PTGR1: variants seen among roughly 807,000 people sequenced by gnomAD.
PTGR1 encodes the protein prostaglandin reductase 1.
Under a neutral mutation model 37.7 loss-of-function variants are expected in PTGR1, and 23 were observed. The ratio of observed to expected loss-of-function variants is 0.61; its 90% CI spans 0.44 to 0.86. The LOEUF is 0.86. PTGR1 is among the 40% of genes least tolerant of loss of function. PTGR1 has a pLI of 0.00. For synonymous variants in PTGR1, 134 were observed against 140.0 expected, an observed-to-expected ratio of 0.96 and a Z score of 0.30; for missense variants, 351 against 394.3, an observed-to-expected ratio of 0.89 and a Z score of 0.93.
chr9:111,555,109 CCT>C (rs1828084246), intron 9 of PTGR1, among the ~76,000 whole-genome samples: 1 of 152,110 alleles, frequency 6.6e-6, no homozygotes, highest in African/African-American at 2.4e-5. Context: ...GAGTTCATCC[CCT>C]TTTATTCAGA....
At position 111,563,187 on chromosome 9, in the gene PTGR1, G is replaced by GT; in HGVS notation, c.923dup (p.Asn308LysfsTer14). The GT allele has an allele frequency of 6.2e-7, 1 of 1,613,894 alleles. No individual in the cohort carries two copies. The highest frequency in any genetic ancestry group is 8.5e-7 in the Non-Finnish European group (1 of 1,179,916). On this transcript the variant is annotated frameshift_variant, in exon 10 of 10. Coordinates refer to ENST00000407693, the MANE Select transcript of PTGR1 (RefSeq NM_001146108.2). LOFTEE classifies it high-confidence loss of function. Reference sequence around the variant, plus strand: ...GCATTCCCATAAATGCAGCTGGCATGTTTTCAAATCCTTCAATGATATATT... The same window carrying GT: ...GCATTCCCATAAATGCAGCTGGCATGTTTTTCAAATCCTTCAATGATATATT...
chr9:111,563,456 G>A (rs530355351), intron 9 of PTGR1: 41 of 414,440 alleles, frequency 9.9e-5, no homozygotes, highest in African/African-American at 4.6e-4. Context: ...AATAGGTGTC[G>A]GATCATAGTG....
At position 111,574,782 on chromosome 9, in the gene PTGR1, T is replaced by C. The variant is rs141651182; in HGVS notation, c.712A>G (p.Ile238Val). 21 of 1,613,938 alleles carry C rather than the reference T, an allele frequency of 1.3e-5. No homozygotes were observed. The African/African-American group carries it at 1.6e-4, about 12-fold the overall frequency. Residue 238 changes from isoleucine (I) to valine (V), a missense_variant, in exon 8 of 10, where the codon ATA becomes GTA. Coordinates refer to ENST00000407693, the MANE Select transcript of PTGR1 (RefSeq NM_001146108.2). ...GQMKKFGRIA[I>V]CGAISTYNRT... is the part of the protein sequence containing the mutation. ...TTATATGTAGAGATGGCTCCACATATGGCAATCCTTCCAAATTTCTTCATC... is the reference window on the plus strand; with the variant it reads ...TTATATGTAGAGATGGCTCCACATACGGCAATCCTTCCAAATTTCTTCATC...
intron 4 of PTGR1, among the ~76,000 whole-genome samples, chr9:111,592,065 G>A (rs1039439063): frequency 1.3e-5 from 2 of 152,204 alleles, no homozygotes; most frequent in Admixed American, 1.3e-4. Flanking sequence ...ATGGACGCAT[G>A]TGGGGGCACC....
intron 9 of PTGR1, among the ~76,000 whole-genome samples, chr9:111,568,850 G>C (rs770467949): frequency 9.3e-4 from 141 of 152,228 alleles, no homozygotes; most frequent in Middle Eastern, 6.3e-3. Flanking sequence ...ATCCAGGCTA[G>C]AAGGCATGGT....
chr9:111,573,584 G>C (rs10122818), intron 8 of PTGR1, among the ~76,000 whole-genome samples: 24,140 of 151,064 alleles, frequency 0.16, 2,467 homozygotes, highest in Non-Finnish European at 0.23. Flanking sequence ...TCCTTTTTTG[G>C]GGGGGGACCA....
chr9:111,577,492 A>G (rs947572685), intron 7 of PTGR1: 3 of 152,194 alleles, frequency 2.0e-5, no homozygotes, highest in African/African-American at 7.2e-5. Context: ...AAATCCACAC[A>G]AAAACCTCTG....
At position 111,563,186 on chromosome 9, in the gene PTGR1, T is replaced by C. The variant is rs1828387190; in HGVS notation, c.925A>G (p.Met309Val). ...KEYIIEGFEN[M>V]PAAFMGMLKG... ...AGCATTCCCATAAATGCAGCTGGCA[T>C]GTTTTCAAATCCTTCAATGATATAT... Residue 309 changes from methionine (M) to valine (V), a missense_variant, in exon 10 of 10, where the codon ATG becomes GTG. Met to Val is a conservative substitution (Grantham distance 21). Coordinates refer to ENST00000407693, the MANE Select transcript of PTGR1 (RefSeq NM_001146108.2). The C allele has an allele frequency of 6.2e-7, 1 of 1,614,034 alleles. No individual in the cohort carries two copies. The highest frequency in any genetic ancestry group is 1.3e-5 in the African/African-American group (1 of 75,064).
At chr9:111,551,287 G>A (rs1455559583) in intron 9 of PTGR1, among the ~76,000 whole-genome samples, 1 of 150,326 alleles carries the variant, frequency 6.7e-6, no homozygotes, top group Non-Finnish European at 1.5e-5. Flanking sequence ...CTCACATTTA[G>A]ATTTATAAAA....
At chr9:111,555,556 GACTC>G (rs1828097348) in intron 9 of PTGR1, among the ~76,000 whole-genome samples, 1 of 152,206 alleles carries the variant, frequency 6.6e-6, no homozygotes, top group South Asian at 2.1e-4. Context: ...AGGCTTAACT[GACTC>G]ACAGTTCCGC....
downstream of PTGR1, among the ~76,000 whole-genome samples, chr9:111,561,102 T>TAGAGAGAGAGAGAGAGAGAG: frequency 3.4e-5 from 1 of 29,354 alleles, no homozygotes; most frequent in Non-Finnish European, 6.2e-5. Context: ...TATATATATA[T>TAGAGAGAGAGAGAGAGAGAG]ATATATATAG....
At chr9:111,559,598 T>A (rs933253752), downstream of PTGR1, among the ~76,000 whole-genome samples, 136 of 150,040 alleles carry the variant, frequency 9.1e-4, 4 homozygotes, top group Non-Finnish European at 3.7e-4. Flanking sequence ...ACACACACAC[T>A]CACACACACA....
chr9:111,587,203 C>A (rs754736080), intron 4 of PTGR1, among the ~76,000 whole-genome samples: 38 of 152,112 alleles, frequency 2.5e-4, no homozygotes, highest in Non-Finnish European at 5.0e-4. Flanking sequence ...CTTTTTGCCT[C>A]CTCCTCTAAG....
downstream of PTGR1, among the ~76,000 whole-genome samples, chr9:111,560,265 G>T (rs1828234303): frequency 6.6e-6 from 1 of 152,022 alleles, no homozygotes; most frequent in Non-Finnish European, 1.5e-5. Context: ...TGGATCACGA[G>T]GTCAGGAGAT....
At chr9:111,564,158 T>G in intron 9 of PTGR1, 1 of 820,868 alleles carries the variant, frequency 1.2e-6, no homozygotes, top group Non-Finnish European at 1.5e-6. Flanking sequence ...CTGAGTTACC[T>G]GATACAAGTT....
intron 5 of PTGR1, among the ~76,000 whole-genome samples, chr9:111,584,637 G>A (rs1407392521): frequency 6.6e-6 from 1 of 152,130 alleles, no homozygotes; most frequent in Non-Finnish European, 1.5e-5. Flanking sequence ...AGGGAAGGAA[G>A]GGTGGGAAGA....
At chr9:111,588,228 G>A (rs1403789309) in intron 4 of PTGR1, among the ~76,000 whole-genome samples, 4 of 140,968 alleles carry the variant, frequency 2.8e-5, no homozygotes, top group Admixed American at 7.4e-5. Context: ...ACGGAGTCTC[G>A]CTCTATTGCC....
intron 4 of PTGR1, among the ~76,000 whole-genome samples, chr9:111,588,052 T>C (rs1367913493): frequency 6.6e-6 from 1 of 150,626 alleles, no homozygotes; most frequent in Non-Finnish European, 1.5e-5. Flanking sequence ...CTCTCTCTGT[T>C]GCTCAGGCTG....
intron 4 of PTGR1, chr9:111,589,327 T>C (rs1192701302): frequency 9.4e-6 from 8 of 849,566 alleles, no homozygotes; most frequent in Non-Finnish European, 9.9e-6. Flanking sequence ...GTAAGGTCAC[T>C]GAAATTCCAG....
Sources: allele counts gnomAD v4.1 joint callset (sites outside exome capture counted in the v4.1 genomes callset), GRCh38; gene constraint gnomAD v4.1.1; transcripts MANE v1.5; gene names NCBI Gene and HGNC (gene_info 2026-07-23, HGNC 2026-07-21).